Variants in C16orf96 observed in about 807,000 individuals in gnomAD.
The protein encoded by C16orf96 is uncharacterized protein C16orf96.
Under a neutral mutation model 103.6 loss-of-function variants are expected in C16orf96, and 108 were observed. The observed-to-expected ratio is 1.04, with a 90% CI of 0.89 to 1.22. The LOEUF (loss-of-function observed/expected upper bound fraction) is 1.22. C16orf96 is among the 50% of genes most tolerant of loss of function. C16orf96 has a pLI of 0.00. For missense variants in C16orf96, 1,586 were observed against 1,464.2 expected (o/e 1.08, Z -1.36); for synonymous variants, 566 against 593.5 (o/e 0.95, Z 0.67).
At chr16:4,595,822 T>C (rs992147782) in intron 14 of C16orf96, among the ~76,000 whole-genome samples, 1 of 152,100 alleles carries the variant, frequency 6.6e-6, no homozygotes, top group African/African-American at 2.4e-5. Context: ...TTCTCCTGCC[T>C]CAGCCTCCCG....
intron 1 of C16orf96, chr16:4,561,573 C>T (rs1166075973): frequency 6.6e-6 from 1 of 152,268 alleles, no homozygotes; most frequent in Non-Finnish European, 1.5e-5. Flanking sequence ...GGCAACCCAC[C>T]CAGCTCACAA....
chr16:4,588,960 T>C (rs927832095), intron 9 of C16orf96, among the ~76,000 whole-genome samples: 1 of 152,106 alleles, frequency 6.6e-6, no homozygotes, highest in African/African-American at 2.4e-5. Flanking sequence ...AGCACTGTTG[T>C]TGGACCAACT....
rs1035089940 is a variant in C16orf96 at position 4,588,230 on chromosome 16, G to C, written c.2491G>C (p.Glu831Gln). The C allele has an allele frequency of 1.9e-5, 30 of 1,551,658 alleles. No homozygotes were observed. Among genetic ancestry groups the C allele is most frequent in the Non-Finnish European group, 2.6e-5 (30 of 1,146,992 alleles). The stretch of plus-strand genomic sequence containing the variant: ...CGTTGACCTGGAGACTGTGGCCTTG[G>C]AGCTGAACGAGATGATTCAGGGCAT... ...SRVDLETVAL[E>Q]LNEMIQGILF... The change falls in exon 9 of 16, where the codon GAG becomes CAG. Residue 831 changes from glutamate to glutamine, a missense_variant. Glu to Gln is a conservative substitution (Grantham distance 29). Coordinates refer to ENST00000444310, the MANE Select transcript of C16orf96 (RefSeq NM_001145011.2).
Position 4,582,155 on chromosome 16 carries a change from G to T in C16orf96, c.2352+2030G>T, listed in dbSNP as rs568890332. ...AAATTAGCCGGGCATGGTGGCGGAT[G>T]CCTGTAATCCCAGCTACTCGGGTGG... On this transcript the variant is annotated intron_variant, in intron 7 of 15. Coordinates refer to ENST00000444310, the MANE Select transcript of C16orf96 (RefSeq NM_001145011.2). Among the ~76,000 whole-genome samples the T allele has an allele frequency of 3.9e-5, 6 of 152,128 alleles. No individual in the cohort carries two copies. In the East Asian group the frequency reaches 1.2e-3, roughly 29 times the overall value.
At position 4,569,750 on chromosome 16, in the gene C16orf96, G is replaced by T. The variant is rs184492238; in HGVS notation, c.421-1811G>T. On this transcript the variant is annotated intron_variant, in intron 1 of 15. Coordinates refer to ENST00000444310, the MANE Select transcript of C16orf96 (RefSeq NM_001145011.2). Reference sequence around the variant, plus strand: ...ATAGTCTTTGACCCCTCCTTCACCAGTCACTCCCTACAGGGCAAGTTCATG... The same window carrying T: ...ATAGTCTTTGACCCCTCCTTCACCATTCACTCCCTACAGGGCAAGTTCATG... Among the ~76,000 whole-genome samples the T allele has an allele frequency of 4.5e-3, 684 of 151,302 alleles. 3 individuals are homozygous for T. The highest frequency in any genetic ancestry group is 6.9e-3 in the Non-Finnish European group (469 of 67,892).
In C16orf96 at chr16:4,588,251, G is replaced by A; in HGVS notation, c.2512G>A (p.Gly838Ser). 1.5e-5 allele frequency: 24 copies of A among 1,551,668 alleles called. No individual in the cohort carries two copies. The highest frequency in any genetic ancestry group is 2.1e-5 in the Non-Finnish European group (24 of 1,146,990). ...VALELNEMIQ[G>S]ILFKVTIHED... ...CTTGGAGCTGAACGAGATGATTCAG[G>A]GCATACTCTTCAAGGTCACGATCCA... The change falls in exon 9 of 16, where the codon GGC becomes AGC. Residue 838 changes from glycine to serine, a missense_variant. Coordinates refer to ENST00000444310, the MANE Select transcript of C16orf96 (RefSeq NM_001145011.2).
At position 4,594,796 on chromosome 16, in the gene C16orf96, G is replaced by C. The variant is rs767815692; in HGVS notation, c.3120G>C (p.Glu1040Asp). The change falls in exon 14 of 16, where the codon GAG (glutamate) becomes GAC (aspartate). Residue 1040 changes from glutamate to aspartate, a missense_variant. Transcript: ENST00000444310. ...CTCAGCCCTTGGCCGTCGCAAAGGA[G>C]CTGGCAGGTGAGGGGCGTAGGGCTC... is the stretch of plus-strand genomic sequence containing the variant. Reference protein sequence around the residue: ...RGAQPLAVAKELAAVKAPSPP... With the variant: ...RGAQPLAVAKDLAAVKAPSPP... 3 of 1,550,378 alleles carry C rather than the reference G, an allele frequency of 1.9e-6. No individual in the cohort carries two copies. The highest frequency in any genetic ancestry group is 2.6e-6 in the Non-Finnish European group (3 of 1,146,856).
chr16:4,547,429 G>C, the C16orf96 span, among the ~76,000 whole-genome samples: 1 of 148,876 alleles, frequency 6.7e-6, no homozygotes, highest in East Asian at 1.9e-4. Context: ...GAGCCACTGC[G>C]CACGGCCCAC....
rs1897106966 is a variant in C16orf96 at position 4,593,528 on chromosome 16, T to C, written c.2867+212T>C. 6.6e-6 allele frequency among the ~76,000 whole-genome samples: 1 copy of C among 150,420 alleles called. No homozygotes were observed. The highest frequency in any genetic ancestry group is 2.1e-4 in the South Asian group (1 of 4,714). ...GATGGCGGAGGGAGGAACTGACATA[T>C]TTACTGCACATCTATTGTGGGCCAG... On this transcript the variant is annotated intron_variant, in intron 12 of 15. Transcript: ENST00000444310. This position sits in a 1 kb window ranked among gnomAD's most constrained non-coding sequence, Gnocchi z 4.2.
At position 4,593,587 on chromosome 16, in the gene C16orf96, A is replaced by G. The variant is rs1897108201; in HGVS notation, c.2867+271A>G. Among the ~76,000 whole-genome samples the G allele has an allele frequency of 6.6e-6, 1 of 151,514 alleles. No individual in the cohort carries two copies. Among genetic ancestry groups the G allele is most frequent in the South Asian group, 2.1e-4 (1 of 4,788 alleles). Reference sequence around the variant, plus strand: ...AGACGGTTTCTTATTTAAATCTCACAACCCCCTGTGAGCTAGGGTTCCTAT... The same window carrying G: ...AGACGGTTTCTTATTTAAATCTCACGACCCCCTGTGAGCTAGGGTTCCTAT... On this transcript the variant is annotated intron_variant, in intron 12 of 15. Coordinates refer to ENST00000444310, the MANE Select transcript of C16orf96 (RefSeq NM_001145011.2). The surrounding 1 kb of genome is among the most constrained non-coding windows in gnomAD (Gnocchi z 4.2).
rs1355288115 is a variant in C16orf96 at position 4,591,668 on chromosome 16, A to T, written c.2595A>T (p.Leu865Phe). ...ATCTTCCCCTTGGCTGTTGGCAGTT[A>T]GTCCACAGTGATCTGGATCCCTTGA... ...EELSKDVNTK[L>F]VHSDLDPLKK... The change falls in exon 10 of 16, where the codon TTA (leucine) becomes TTT (phenylalanine). Residue 865 changes from leucine to phenylalanine, a missense_variant and splice_region_variant. Leu to Phe is a conservative substitution (Grantham distance 22, BLOSUM62 0). Coordinates refer to ENST00000444310, the MANE Select transcript of C16orf96 (RefSeq NM_001145011.2). The T allele has an allele frequency of 2.6e-6, 4 of 1,550,188 alleles. No homozygotes were observed. In the East Asian group the frequency reaches 9.8e-5, roughly 38 times the overall value.
At chr16:4,582,206 C>T (rs1262223330) in intron 7 of C16orf96, among the ~76,000 whole-genome samples, 21 of 151,894 alleles carry the variant, frequency 1.4e-4, no homozygotes, top group Non-Finnish European at 7.4e-5. Flanking sequence ...CACTTAAACC[C>T]GGGAGGCGGA....
chr16:4,554,250 A>G (rs2059243445), upstream of C16orf96, among the ~76,000 whole-genome samples: 1 of 152,214 alleles, frequency 6.6e-6, no homozygotes, highest in African/African-American at 2.4e-5. Context: ...TGAAGAGCCC[A>G]GCTCAAGCGG....
chr16:4,591,710 G>A lies in C16orf96; in HGVS notation c.2637G>A (p.Glu879=). Residue 879 remains glutamate, a synonymous_variant, in exon 10 of 16, where the codon GAG becomes GAA. Transcript: ENST00000444310. The part of the protein sequence containing the change: ...DLDPLKKEME[E]VWKIVRKLLI... The stretch of plus-strand genomic sequence containing the variant: ...ATCCCTTGAAGAAAGAAATGGAAGA[G>A]GTCTGGAAAATCGTCCGGAAGCTGC... The A allele has an allele frequency of 6.4e-7, 1 of 1,551,674 alleles. No homozygotes were observed. The highest frequency in any genetic ancestry group is 8.7e-7 in the Non-Finnish European group (1 of 1,146,986).
At chr16:4,560,711 G>C (rs1420119055) in intron 1 of C16orf96, 1 of 152,184 alleles carries the variant, frequency 6.6e-6, no homozygotes, top group African/African-American at 2.4e-5. Flanking sequence ...TCTTTGGGAG[G>C]CTGAGGCAAG....
At chr16:4,558,722 C>G (rs563237479) in intron 1 of C16orf96, among the ~76,000 whole-genome samples, 1 of 152,116 alleles carries the variant, frequency 6.6e-6, no homozygotes, top group Admixed American at 6.6e-5. Context: ...CGAGACAATC[C>G]TGGCCAACAT....
chr16:4,566,778 A>G lies in C16orf96; in HGVS notation c.421-4783A>G, dbSNP rs944873523. On this transcript the variant is annotated intron_variant, in intron 1 of 15. Transcript: ENST00000444310. Reference sequence around the variant, plus strand: ...CTAGGAATTTGTCCATTTCACCTAAATTATATAATTTGTCCACAGGCAATT... The same window carrying G: ...CTAGGAATTTGTCCATTTCACCTAAGTTATATAATTTGTCCACAGGCAATT... 1.3e-4 allele frequency among the ~76,000 whole-genome samples: 20 copies of G among 152,054 alleles called. 1 individual carries two copies. Among genetic ancestry groups the G allele is most frequent in the Admixed American group, 9.2e-4 (14 of 15,242 alleles).
At chr16:4,579,807 C>T (rs1044418967) in intron 6 of C16orf96, among the ~76,000 whole-genome samples, 1 of 151,982 alleles carries the variant, frequency 6.6e-6, no homozygotes, top group African/African-American at 2.4e-5. Context: ...AGACTGGTTT[C>T]GCCGTGTTGG....
At chr16:4,588,448 C>CT in intron 9 of C16orf96, 117 bp downstream of exon 9, 4 of 1,201,424 alleles carry the variant, frequency 3.3e-6, no homozygotes, top group Non-Finnish European at 4.6e-6. Context: ...AGTGACCCAG[C>CT]AACTTAGCTG....
Sources: gnomAD v4.1 joint callset for allele counts (sites outside exome capture counted in the v4.1 genomes callset) on GRCh38, gnomAD v4.1.1 for gene constraint, Gnocchi (gnomAD v3.1) non-coding constraint, MANE v1.5 for transcripts, NCBI Gene and HGNC (gene_info 2026-07-23, HGNC 2026-07-21) for gene names.